Variants in VAV3 observed in about 807,000 individuals in gnomAD.
The protein encoded by VAV3 is guanine nucleotide exchange factor VAV3.
In VAV3, 94 loss-of-function variants were observed where a neutral mutation model predicts 131.2. The ratio of observed to expected loss-of-function variants is 0.72; its 90% CI spans 0.61 to 0.85. The LOEUF is 0.85. Ranked by LOEUF, VAV3 falls within the 40% of genes least tolerant of loss-of-function variation. The pLI is 0.00. For missense variants in VAV3, 939 were observed against 1,002.7 expected (o/e 0.94, Z 0.86); for synonymous variants, 349 against 342.0 (o/e 1.02, Z -0.22).
chr1:107,904,117 A>C (rs1441940555), intron 1 of VAV3, among the ~76,000 whole-genome samples: 1 of 152,130 alleles, frequency 6.6e-6, no homozygotes, highest in African/African-American at 2.4e-5. Context: ...AGTTCCCAAA[A>C]GAGCTTGTGG....
At chr1:107,595,522 A>T (rs1651307129) in intron 25 of VAV3, among the ~76,000 whole-genome samples, 1 of 152,198 alleles carries the variant, frequency 6.6e-6, no homozygotes, top group Non-Finnish European at 1.5e-5. Flanking sequence ...AGATTAAGAA[A>T]ATAAAATCAC....
rs527678893 is a variant in VAV3 at position 107,954,160 on chromosome 1, C to T, written c.204+10506G>A. Among the ~76,000 whole-genome samples the T allele has an allele frequency of 1.3e-4, 20 of 152,174 alleles. No homozygotes were observed. In the South Asian group the frequency reaches 3.9e-3, roughly 30 times the overall value. On this transcript the variant is annotated intron_variant, in intron 1 of 26. Coordinates refer to ENST00000370056, the MANE Select transcript of VAV3 (RefSeq NM_006113.5). ...GGATGAAAAACATGATAAAATAATG[C>T]TCCAAATAATAGCTAACAATAGGTT... is the stretch of plus-strand genomic sequence containing the variant.
At chr1:107,857,319 T>G (rs535075828) in intron 2 of VAV3, among the ~76,000 whole-genome samples, 2 of 152,334 alleles carry the variant, frequency 1.3e-5, no homozygotes, top group East Asian at 3.9e-4. Flanking sequence ...CTTTTCAGCT[T>G]TGGCATTCAG....
chr1:107,809,908 C>T (rs962897097), intron 2 of VAV3, among the ~76,000 whole-genome samples: 2 of 152,088 alleles, frequency 1.3e-5, no homozygotes, highest in African/African-American at 2.4e-5. Flanking sequence ...CCTAGAGAAA[C>T]GTTGCCAGGA....
At chr1:107,794,556 C>T (rs940454084) in intron 2 of VAV3, among the ~76,000 whole-genome samples, 6 of 152,180 alleles carry the variant, frequency 3.9e-5, no homozygotes, top group African/African-American at 1.2e-4. Flanking sequence ...CATTCTAAGT[C>T]TTTGCTGTCT....
At chr1:107,938,132 C>A (rs1407907474) in intron 1 of VAV3, among the ~76,000 whole-genome samples, 1 of 152,134 alleles carries the variant, frequency 6.6e-6, no homozygotes, top group Non-Finnish European at 1.5e-5. Context: ...TATAGGTATT[C>A]TTGACCCTTC....
intron 2 of VAV3, among the ~76,000 whole-genome samples, chr1:107,833,069 TTA>T (rs1668323305): frequency 6.6e-6 from 1 of 152,180 alleles, no homozygotes. Flanking sequence ...AGATCAAGCA[TTA>T]ACATTTACAT....
At chr1:107,787,723 A>G (rs970250459) in intron 2 of VAV3, among the ~76,000 whole-genome samples, 3 of 152,290 alleles carry the variant, frequency 2.0e-5, no homozygotes, top group South Asian at 2.1e-4. Context: ...TCTGAATGAT[A>G]TATTTCTTAT....
chr1:107,766,358 G>A, intron 8 of VAV3, 89 bp downstream of exon 8: 6 of 800,264 alleles, frequency 7.5e-6, no homozygotes, highest in Non-Finnish European at 1.2e-5. Context: ...GTAATAAACA[G>A]CAGTAATAGC....
At chr1:107,926,390 T>C (rs1341088982) in intron 1 of VAV3, among the ~76,000 whole-genome samples, 1 of 152,174 alleles carries the variant, frequency 6.6e-6, no homozygotes, top group Non-Finnish European at 1.5e-5. Flanking sequence ...TAGAGCAAGA[T>C]GGTGGAATAG....
At chr1:107,923,671 C>T (rs1557926924) in intron 1 of VAV3, among the ~76,000 whole-genome samples, 1 of 152,066 alleles carries the variant, frequency 6.6e-6, no homozygotes, top group Non-Finnish European at 1.5e-5. Context: ...ATGCTAGATG[C>T]TTATAAAGCC....
At chr1:107,954,859 C>T (rs1674732183) in intron 1 of VAV3, among the ~76,000 whole-genome samples, 1 of 151,964 alleles carries the variant, frequency 6.6e-6, no homozygotes, top group South Asian at 2.1e-4. Context: ...TCTTAATGTT[C>T]TTATTCTAAG....
intron 2 of VAV3, among the ~76,000 whole-genome samples, chr1:107,857,963 TTTTA>T (rs1669546871): frequency 2.6e-5 from 4 of 152,320 alleles, no homozygotes; most frequent in Admixed American, 2.0e-4. Context: ...TTGGTGCAGA[TTTTA>T]TTTATGTAAC....
chr1:107,602,964 C>T (rs758978472), intron 23 of VAV3, 83 bp downstream of exon 23: 35 of 1,090,346 alleles, frequency 3.2e-5, no homozygotes, highest in Non-Finnish European at 4.3e-5. Flanking sequence ...TTGGTTTTCA[C>T]CTTCAGTGTT....
intron 2 of VAV3, among the ~76,000 whole-genome samples, chr1:107,827,544 T>A (rs1393569981): frequency 2.0e-5 from 3 of 152,160 alleles, no homozygotes; most frequent in African/African-American, 4.8e-5. Context: ...GGAAGTAGAT[T>A]AGCATTGCCC....
In VAV3 at chr1:107,571,903, C is replaced by T. The variant is rs1437791232; in HGVS notation, c.*1428G>A. ...GGATTGATGAGAGGGCAGGCTACACCTGCTTCATTTCAGAGATGATTCAAA... is the reference window on the plus strand; with the variant it reads ...GGATTGATGAGAGGGCAGGCTACACTTGCTTCATTTCAGAGATGATTCAAA... On this transcript the variant is annotated 3_prime_UTR_variant, in exon 27 of 27. Coordinates refer to ENST00000370056, the MANE Select transcript of VAV3 (RefSeq NM_006113.5). 1 of 152,636 alleles carries T rather than the reference C, an allele frequency of 6.6e-6. No homozygotes were observed. Among genetic ancestry groups the T allele is most frequent in the African/African-American group, 2.4e-5 (1 of 41,456 alleles). 9.5% of individuals were successfully genotyped at this position (152,636 alleles called of 1,614,324 possible). A position where few individuals can be genotyped will look rare whatever the true frequency, so the allele number is the denominator to read the frequency against.
chr1:107,625,792 G>C (rs568104027), intron 20 of VAV3, among the ~76,000 whole-genome samples: 5 of 152,112 alleles, frequency 3.3e-5, no homozygotes, highest in African/African-American at 9.6e-5. Context: ...ACTCTTAAGG[G>C]CATGTGCACA....
intron 17 of VAV3, among the ~76,000 whole-genome samples, chr1:107,696,142 T>A (rs1005346545): frequency 6.6e-6 from 1 of 152,210 alleles, no homozygotes; most frequent in South Asian, 2.1e-4. Context: ...GATATCTGTA[T>A]AAGCAAGCAT....
chr1:107,858,983 T>C (rs1478103267), intron 2 of VAV3, among the ~76,000 whole-genome samples: 1 of 152,202 alleles, frequency 6.6e-6, no homozygotes, highest in Non-Finnish European at 1.5e-5. Context: ...TTGGGTGTTT[T>C]TGTTTTCTCT....
Sources: gnomAD v4.1 joint callset for allele counts (sites outside exome capture counted in the v4.1 genomes callset) on GRCh38, gnomAD v4.1.1 for gene constraint, MANE v1.5 for transcripts, NCBI Gene and HGNC (gene_info 2026-07-23, HGNC 2026-07-21) for gene names.